The following GOLGB1 variants were observed in gnomAD, a reference collection of about 807,000 sequenced individuals.
The protein encoded by GOLGB1 is golgin subfamily B member 1.
In GOLGB1, 174 loss-of-function variants were observed where a neutral mutation model predicts 336.9. The observed-to-expected ratio is 0.52, with a 90% CI of 0.46 to 0.59. The LOEUF (loss-of-function observed/expected upper bound fraction) is 0.59, where lower values mean the gene tolerates loss of function less well. GOLGB1 is among the 20% of genes least tolerant of loss of function. GOLGB1 has a pLI of 0.00. For synonymous variants in GOLGB1, 1,208 were observed against 1,289.2 expected (o/e 0.94, Z 1.35); for missense variants, 3,331 against 3,645.3 (o/e 0.91, Z 2.22).
intron 20 of GOLGB1, among the ~76,000 whole-genome samples, chr3:121,665,768 G>A (rs771813621): frequency 1.3e-5 from 2 of 152,226 alleles, no homozygotes; most frequent in Non-Finnish European, 2.9e-5. Flanking sequence ...ATAGGGAAGA[G>A]AGGATGAAAC....
chr3:121,721,870 G>C (rs1945223068), intron 6 of GOLGB1, among the ~76,000 whole-genome samples: 1 of 152,114 alleles, frequency 6.6e-6, no homozygotes. Context: ...TTTTGGGAAA[G>C]AATGAACCTA....
intron 10 of GOLGB1, among the ~76,000 whole-genome samples, chr3:121,706,578 T>C (rs1172596704): frequency 6.6e-6 from 1 of 150,834 alleles, no homozygotes; most frequent in Non-Finnish European, 1.5e-5. Flanking sequence ...CTACTAAAAA[T>C]ATAAAATTAG....
intron 5 of GOLGB1, 26 bp from the exon 6 acceptor site, chr3:121,722,404 A>G (rs1380558862): frequency 8.1e-7 from 1 of 1,231,632 alleles, no homozygotes; most frequent in Non-Finnish European, 1.2e-6. Context: ...ACATAGAAGG[A>G]AAAAAAATTA....
intron 17 of GOLGB1, 92 bp downstream of exon 17, chr3:121,676,801 C>A: frequency 9.1e-7 from 1 of 1,101,424 alleles, no homozygotes. Context: ...TATGCTACAG[C>A]TGGGACTCTA....
At chr3:121,692,607 T>TA in intron 13 of GOLGB1, 26 bp from the exon 14 acceptor site, 1 of 1,379,940 alleles carries the variant, frequency 7.2e-7, no homozygotes, top group Non-Finnish European at 9.9e-7. Flanking sequence ...GGTCATTAGT[T>TA]ACAGATTTCA....
At chr3:121,668,255 T>C in intron 18 of GOLGB1, 97 bp from the exon 19 acceptor site, 1 of 637,350 alleles carries the variant, frequency 1.6e-6, no homozygotes, top group South Asian at 2.1e-5. Flanking sequence ...CTATCCCCGC[T>C]TATAATTCTC....
In GOLGB1 at chr3:121,697,321, T is replaced by C; in HGVS notation, c.3202A>G (p.Lys1068Glu). Residue 1068 changes from lysine to glutamate, a missense_variant, in exon 13 of 22, where the codon AAA becomes GAA. Physicochemically the swap from Lys to Glu is moderately conservative, Grantham distance 56. Transcript: ENST00000614479. ...SKCQEIEIYL[K>E]QTISEKEVEL... ...ACTTCTTTCTCAGATATTGTCTGTTTTAAATAAATTTCTATTTCTTGGCAC... is the reference window on the plus strand; with the variant it reads ...ACTTCTTTCTCAGATATTGTCTGTTCTAAATAAATTTCTATTTCTTGGCAC... The C allele has an allele frequency of 6.2e-7, 1 of 1,613,642 alleles. No homozygotes were observed. The highest frequency in any genetic ancestry group is 1.3e-5 in the African/African-American group (1 of 75,014).
chr3:121,747,400 T>G (rs940916148), intron 1 of GOLGB1, among the ~76,000 whole-genome samples: 1 of 146,142 alleles, frequency 6.8e-6, no homozygotes, highest in Admixed American at 6.9e-5. Flanking sequence ...TATATACATA[T>G]ATACGTATAT....
chr3:121,681,797 T>C lies in GOLGB1; in HGVS notation c.8763A>G (p.Pro2921=). The C allele has an allele frequency of 1.2e-6, 2 of 1,601,166 alleles. No homozygotes were observed. The highest frequency in any genetic ancestry group is 8.6e-7 in the Non-Finnish European group (1 of 1,168,316). The change falls in exon 15 of 22, where the codon CCA becomes CCG. Residue 2921 remains proline, a synonymous_variant. Transcript: ENST00000614479. ...QINQEITELH[P]LKAQLQEYQD... Reference sequence around the variant, plus strand: ...GATACTCCTGAAGTTGAGCCTTCAGTGGATGTAACTCAGTGATCTCTTGAT... The same window carrying C: ...GATACTCCTGAAGTTGAGCCTTCAGCGGATGTAACTCAGTGATCTCTTGAT...
intron 14 of GOLGB1, among the ~76,000 whole-genome samples, chr3:121,684,718 G>C (rs1941535691): frequency 6.6e-6 from 1 of 152,126 alleles, no homozygotes; most frequent in Non-Finnish European, 1.5e-5. Context: ...TCAGATAAGA[G>C]AGATAAAAAG....
chr3:121,700,349 A>C (rs1576363974), intron 11 of GOLGB1, among the ~76,000 whole-genome samples: 1 of 152,106 alleles, frequency 6.6e-6, no homozygotes, highest in East Asian at 1.9e-4. Context: ...TCATATAAGG[A>C]AACAAAGAAA....
chr3:121,716,994 T>G lies in GOLGB1; in HGVS notation c.1031A>C (p.Gln344Pro). Reference protein sequence around the residue: ...AERKLSFHNLQEEMHHLLEQF... With the variant: ...AERKLSFHNLPEEMHHLLEQF... Reference sequence around the variant, plus strand: ...TTCTAAAAGATGATGCATTTCTTCCTGCAGATTATGGAAGGATAATTTTCT... The same window carrying G: ...TTCTAAAAGATGATGCATTTCTTCCGGCAGATTATGGAAGGATAATTTTCT... Residue 344 changes from glutamine (Q) to proline (P), a missense_variant, in exon 9 of 22, where the codon CAG becomes CCG. By Grantham distance (76) the Gln-to-Pro change is moderately conservative (BLOSUM62 -1). Coordinates refer to ENST00000614479, the MANE Select transcript of GOLGB1 (RefSeq NM_001366282.2). 2 of 1,614,122 alleles carry G rather than the reference T, an allele frequency of 1.2e-6. No individual in the cohort carries two copies. Among genetic ancestry groups the G allele is most frequent in the South Asian group, 1.1e-5 (1 of 91,068 alleles).
intron 1 of GOLGB1, among the ~76,000 whole-genome samples, chr3:121,735,139 T>C (rs1286585539): frequency 6.6e-6 from 1 of 152,224 alleles, no homozygotes; most frequent in Non-Finnish European, 1.5e-5. Flanking sequence ...GAAGGAGATG[T>C]GGCTGAATAT....
intron 13 of GOLGB1, 140 bp from the exon 14 acceptor site, chr3:121,692,721 G>A (rs1407913491): frequency 1.4e-5 from 8 of 568,350 alleles, no homozygotes; most frequent in Non-Finnish European, 2.4e-5. Flanking sequence ...TTACTGAAGA[G>A]GTATTAATTC....
chr3:121,674,330 T>C (rs544293501), intron 17 of GOLGB1, among the ~76,000 whole-genome samples: 39 of 152,304 alleles, frequency 2.6e-4, no homozygotes, highest in African/African-American at 8.7e-4. Context: ...CCTTGTCTTA[T>C]TTCAGATCTT....
chr3:121,718,462 C>A lies in GOLGB1; in HGVS notation c.811G>T (p.Glu271Ter). 6.2e-7 allele frequency: 1 copy of A among 1,613,962 alleles called. No individual in the cohort carries two copies. Among genetic ancestry groups the A allele is most frequent in the Non-Finnish European group, 8.5e-7 (1 of 1,179,840 alleles). The change falls in exon 8 of 22, where the codon GAA becomes TAA. Residue 271 changes from glutamate to a stop codon, truncating the protein, a stop_gained. Coordinates refer to ENST00000614479, the MANE Select transcript of GOLGB1 (RefSeq NM_001366282.2). LOFTEE classifies it high-confidence loss of function. ...VLQRKLEEHE[E>*]SLVGRAQVVD... is the part of the protein sequence containing the mutation. ...ACCTGAGCACGGCCCACCAAGGATT[C>A]TTCGTGTTCCTCAAGCTTCCTTTGC... is the stretch of plus-strand genomic sequence containing the variant.
intron 1 of GOLGB1, among the ~76,000 whole-genome samples, chr3:121,744,368 A>G (rs555085716): frequency 6.7e-6 from 1 of 150,174 alleles, no homozygotes; most frequent in Admixed American, 6.7e-5. Context: ...GCACCTTAGA[A>G]GGCTGAGGTG....
At chr3:121,670,935 G>C (rs995737451) in intron 17 of GOLGB1, among the ~76,000 whole-genome samples, 2 of 152,160 alleles carry the variant, frequency 1.3e-5, no homozygotes, top group African/African-American at 4.8e-5. Context: ...ACAATGAACA[G>C]TCCAAACCAT....
intron 14 of GOLGB1, among the ~76,000 whole-genome samples, chr3:121,682,405 C>T (rs1198366351): frequency 6.6e-6 from 1 of 152,128 alleles, no homozygotes; most frequent in South Asian, 2.1e-4. Context: ...TCCTCATACT[C>T]TTCTTTTTTT....
Sources: gnomAD v4.1 joint callset for allele counts (sites outside exome capture counted in the v4.1 genomes callset) on GRCh38, gnomAD v4.1.1 for gene constraint, MANE v1.5 for transcripts, NCBI Gene and HGNC (gene_info 2026-07-23, HGNC 2026-07-21) for gene names.